RAD50: variants seen among roughly 807,000 people sequenced by gnomAD.
The protein encoded by RAD50 is RAD50 double strand break repair protein, also known as DNA repair protein RAD50.
RAD50 carries 132 observed loss-of-function variants against 168.8 expected under a neutral mutation model. The observed-to-expected ratio is 0.78, with a 90% CI of 0.68 to 0.90. The LOEUF is 0.90. Ranked by LOEUF, RAD50 falls within the 40% of genes least tolerant of loss-of-function variation. RAD50 has a pLI of 0.00. For missense variants in RAD50, 1,347 were observed against 1,534.4 expected (o/e 0.88, Z 2.04); for synonymous variants, 525 against 497.4 (o/e 1.06, Z -0.74).
At position 132,557,024 on chromosome 5, in the gene RAD50, G is replaced by A; in HGVS notation, c.-301G>A. On this transcript the variant is annotated 5_prime_UTR_variant, in exon 1 of 25. Transcript: ENST00000378823. ...GGCAGGAAGCTGTGAGTGCGCGGTT[G>A]CGGGGTCGCATTGTGGCTACGGCTT... 1.5e-6 allele frequency: 1 copy of A among 689,650 alleles called. No individual in the cohort carries two copies. Among genetic ancestry groups the A allele is most frequent in the South Asian group, 1.9e-5 (1 of 52,760 alleles). 42.7% of individuals were successfully genotyped at this position (689,650 alleles called of 1,614,324 possible). A position where few individuals can be genotyped will look rare whatever the true frequency, so the allele number is the denominator to read the frequency against.
chr5:132,570,277 G>GA (rs767876519), intron 2 of RAD50, among the ~76,000 whole-genome samples: 3 of 152,094 alleles, frequency 2.0e-5, no homozygotes, highest in Admixed American at 1.3e-4. Flanking sequence ...AATGGGGGGG[G>GA]AAATGGAGAA....
At chr5:132,622,092 T>G (rs749205033) in intron 21 of RAD50, among the ~76,000 whole-genome samples, 9 of 152,128 alleles carry the variant, frequency 5.9e-5, no homozygotes, top group Non-Finnish European at 1.3e-4. Context: ...CCTATTGAGT[T>G]GTCATTTTTT....
intron 13 of RAD50, among the ~76,000 whole-genome samples, chr5:132,602,094 G>A (rs999546883): frequency 6.6e-5 from 10 of 151,998 alleles, no homozygotes; most frequent in African/African-American, 1.9e-4. Context: ...AAACCCACAC[G>A]TTCTGCACGT....
chr5:132,633,722 C>G (rs1188691784), intron 21 of RAD50, among the ~76,000 whole-genome samples: 18 of 151,802 alleles, frequency 1.2e-4, no homozygotes, highest in Admixed American at 1.2e-3. Flanking sequence ...ACTACAGGCA[C>G]TCACCACCAC....
At chr5:132,588,171 T>TA (rs1461634203) in intron 7 of RAD50, 82 bp downstream of exon 7, 2 of 1,474,316 alleles carry the variant, frequency 1.4e-6, no homozygotes, top group Non-Finnish European at 1.9e-6. Context: ...TCCAAGGACT[T>TA]ATGCTGAGTG....
chr5:132,579,642 G>A (rs1480293206), intron 4 of RAD50, 140 bp downstream of exon 4: 1 of 907,180 alleles, frequency 1.1e-6, no homozygotes, highest in African/African-American at 1.7e-5. Flanking sequence ...GCAACCATTG[G>A]GCATATTTTC....
intron 8 of RAD50, 144 bp downstream of exon 8, chr5:132,589,024 T>C: frequency 1.2e-6 from 1 of 841,162 alleles, no homozygotes; most frequent in Admixed American, 2.2e-5. Context: ...GAAAAACCTT[T>C]ATTGAAGCAA....
At position 132,644,208 on chromosome 5, in the gene RAD50, C is replaced by T. The variant is rs1751802709; in HGVS notation, c.*1844C>T. On this transcript the variant is annotated 3_prime_UTR_variant, in exon 25 of 25. Transcript: ENST00000378823. ...TTCCCAATTTTAAATCTGGTTTCCC[C>T]CTGAATATGTGGCATCCTTGGCAGC... 5.6e-6 allele frequency: 1 copy of T among 177,144 alleles called. No individual in the cohort carries two copies. 11.0% of individuals were successfully genotyped at this position (177,144 alleles called of 1,614,324 possible). A position where few individuals can be genotyped will look rare whatever the true frequency, so the allele number is the denominator to read the frequency against.
At chr5:132,566,442 G>A (rs1271465779) in intron 2 of RAD50, among the ~76,000 whole-genome samples, 1 of 152,152 alleles carries the variant, frequency 6.6e-6, no homozygotes, top group Non-Finnish European at 1.5e-5. Flanking sequence ...AGTCAAGTCT[G>A]GGCTTTCAAA....
At chr5:132,614,741 A>G (rs1751147169) in intron 19 of RAD50, among the ~76,000 whole-genome samples, 1 of 151,346 alleles carries the variant, frequency 6.6e-6, no homozygotes, top group Non-Finnish European at 1.5e-5. Context: ...GGTTAGTTGA[A>G]TCCGTAGATG....
chr5:132,569,338 C>T (rs1750260877), intron 2 of RAD50, among the ~76,000 whole-genome samples: 1 of 151,984 alleles, frequency 6.6e-6, no homozygotes, highest in Admixed American at 6.6e-5. Context: ...ATATACTGTG[C>T]CAGCTAATGA....
At chr5:132,567,469 G>A (rs1305120747) in intron 2 of RAD50, among the ~76,000 whole-genome samples, 1 of 152,180 alleles carries the variant, frequency 6.6e-6, no homozygotes, top group African/African-American at 2.4e-5. Flanking sequence ...GCATCACTAG[G>A]CAGATGAAAC....
At chr5:132,614,817 T>C (rs1286693816) in intron 19 of RAD50, among the ~76,000 whole-genome samples, 1 of 151,986 alleles carries the variant, frequency 6.6e-6, no homozygotes, top group African/African-American at 2.4e-5. Flanking sequence ...CCTTACTTTG[T>C]GACTGTTAAA....
chr5:132,569,822 C>T (rs771666192), intron 2 of RAD50, among the ~76,000 whole-genome samples: 14 of 151,878 alleles, frequency 9.2e-5, no homozygotes, highest in East Asian at 3.8e-4. Context: ...GAAAAGTATC[C>T]GGAAAATCCC....
chr5:132,557,099 A>T lies in RAD50; in HGVS notation c.-226A>T. The T allele has an allele frequency of 1.5e-6, 1 of 686,494 alleles. No homozygotes were observed. The highest frequency in any genetic ancestry group is 2.4e-6 in the Non-Finnish European group (1 of 417,954). The allele number at this position is 686,494 out of a possible 1,614,324, so 42.5% of individuals were successfully genotyped here. On this transcript the variant is annotated 5_prime_UTR_variant, in exon 1 of 25. Coordinates refer to ENST00000378823, the MANE Select transcript of RAD50 (RefSeq NM_005732.4). ...GCTGGTCCCCGCCTCCGCTCTCCCC[A>T]CCGGCGGGGAAAGCAGCTGGTGTGG...
In RAD50 at chr5:132,595,595, A is replaced by G. The variant is rs773126534; in HGVS notation, c.1992A>G (p.Ala664=). The G allele has an allele frequency of 7.5e-5, 121 of 1,613,220 alleles. No individual in the cohort carries two copies. Among genetic ancestry groups the G allele is most frequent in the Non-Finnish European group, 9.7e-5 (114 of 1,179,270 alleles). The change falls in exon 13 of 25, where the codon GCA becomes GCG. Residue 664 remains alanine (A), a synonymous_variant. Coordinates refer to ENST00000378823, the MANE Select transcript of RAD50 (RefSeq NM_005732.4). ...KQRAMLAGAT[A]VYSQFITQLT... The stretch of plus-strand genomic sequence containing the variant: ...TAGCCATGCTGGCTGGAGCCACAGC[A>G]GTTTACTCCCAGTTCATTACTCAGC...
At chr5:132,624,974 C>G (rs1421408047) in intron 21 of RAD50, among the ~76,000 whole-genome samples, 1 of 151,566 alleles carries the variant, frequency 6.6e-6, no homozygotes. Flanking sequence ...AGACATTGGA[C>G]TTTGTATAAA....
chr5:132,637,377 C>G (rs553098847), intron 22 of RAD50, among the ~76,000 whole-genome samples, 177 bp downstream of exon 22: 2 of 152,124 alleles, frequency 1.3e-5, no homozygotes, highest in East Asian at 1.9e-4. Context: ...GTAAAGTTTT[C>G]TGTTCCAGAG....
At chr5:132,598,385 C>T (rs997466455) in intron 13 of RAD50, among the ~76,000 whole-genome samples, 1 of 152,184 alleles carries the variant, frequency 6.6e-6, no homozygotes, top group Non-Finnish European at 1.5e-5. Context: ...GCATGTCTTA[C>T]TCGTTGTATC....
Sources: allele counts gnomAD v4.1 joint callset (sites outside exome capture counted in the v4.1 genomes callset), GRCh38; gene constraint gnomAD v4.1.1; transcripts MANE v1.5; gene names NCBI Gene and HGNC (gene_info 2026-07-23, HGNC 2026-07-21).